Variants in ADAMTS8 observed in about 807,000 individuals in gnomAD.
ADAMTS8 encodes the protein ADAM metallopeptidase with thrombospondin type 1 motif 8, also known as A disintegrin and metalloproteinase with thrombospondin motifs 8.
Under a neutral mutation model 64.4 loss-of-function variants are expected in ADAMTS8, and 50 were observed. That is an observed-to-expected ratio of 0.78 (90% CI 0.62 to 0.98). The LOEUF (loss-of-function observed/expected upper bound fraction) is 0.98, where lower values mean the gene tolerates loss of function less well. ADAMTS8 is among the 50% of genes least tolerant of loss of function. The pLI is 0.00. For synonymous variants in ADAMTS8, 556 were observed against 533.6 expected (o/e 1.04, Z -0.58); for missense variants, 1,192 against 1,208.2 (o/e 0.99, Z 0.20).
intron 2 of ADAMTS8, 111 bp from the exon 3 acceptor site, chr11:130,417,186 T>C: frequency 7.3e-7 from 1 of 1,364,240 alleles, no homozygotes; most frequent in Non-Finnish European, 1.0e-6. Flanking sequence ...CCACTGAGCG[T>C]CCCATAACAT....
At chr11:130,418,488 C>T (rs557386281) in intron 2 of ADAMTS8, among the ~76,000 whole-genome samples, 19 of 152,316 alleles carry the variant, frequency 1.2e-4, no homozygotes, top group Admixed American at 4.6e-4. Flanking sequence ...CTATGTGGCA[C>T]GAGAGCTGTG....
intron 1 of ADAMTS8, among the ~76,000 whole-genome samples, chr11:130,425,488 C>T (rs940206049): frequency 6.6e-6 from 1 of 151,996 alleles, no homozygotes; most frequent in Non-Finnish European, 1.5e-5. Flanking sequence ...TGTTTTGGTT[C>T]TTAGGTAGAT....
Position 130,405,431 on chromosome 11 carries a change from A to C in ADAMTS8, c.*127T>G. On this transcript the variant is annotated 3_prime_UTR_variant, in exon 9 of 9. Coordinates refer to ENST00000257359, the MANE Select transcript of ADAMTS8 (RefSeq NM_007037.6). ...GTGCAGTACTGGAGGGGTTGCGGCA[A>C]TGGGAGGCCTGGGTGGGCCGTGCTG... The C allele has an allele frequency of 2.0e-6, 3 of 1,491,864 alleles. No homozygotes were observed. Among genetic ancestry groups the C allele is most frequent in the Non-Finnish European group, 2.7e-6 (3 of 1,129,766 alleles). 92.4% of individuals were successfully genotyped at this position (1,491,864 alleles called of 1,614,324 possible). A position where few individuals can be genotyped will look rare whatever the true frequency, so the allele number is the denominator to read the frequency against.
intron 1 of ADAMTS8, among the ~76,000 whole-genome samples, chr11:130,419,781 G>A (rs1212153172): frequency 1.3e-5 from 2 of 152,032 alleles, no homozygotes; most frequent in East Asian, 1.9e-4. Context: ...ACCCGTCCCC[G>A]GCCTCAGCCC....
intron 6 of ADAMTS8, among the ~76,000 whole-genome samples, chr11:130,409,978 T>A (rs1204014483): frequency 6.6e-6 from 1 of 152,238 alleles, no homozygotes; most frequent in African/African-American, 2.4e-5. Flanking sequence ...AACTCCCAGA[T>A]ACTGTGTCAG....
chr11:130,406,214 C>T (rs1861883269), intron 8 of ADAMTS8, 86 bp from the exon 9 acceptor site: 1 of 1,474,654 alleles, frequency 6.8e-7, no homozygotes. Context: ...AGTGGGCACC[C>T]CAGGTGGCAG....
chr11:130,428,315 A>G lies in ADAMTS8; in HGVS notation c.-29T>C. 8.0e-7 allele frequency: 1 copy of G among 1,256,330 alleles called. No individual in the cohort carries two copies. Among genetic ancestry groups the G allele is most frequent in the South Asian group, 1.9e-5 (1 of 51,666 alleles). 77.8% of individuals were successfully genotyped at this position (1,256,330 alleles called of 1,614,324 possible). A position where few individuals can be genotyped will look rare whatever the true frequency, so the allele number is the denominator to read the frequency against. On this transcript the variant is annotated 5_prime_UTR_variant, in exon 1 of 9. Coordinates refer to ENST00000257359, the MANE Select transcript of ADAMTS8 (RefSeq NM_007037.6). ...GGCTGCGGCGGTGGCTGCGCGCAGG[A>G]GAGGGAAGAAGCCCGCCAGGCGCGG... is the stretch of plus-strand genomic sequence containing the variant.
Position 130,416,286 on chromosome 11 carries a change from G to T in ADAMTS8, c.1141C>A (p.Arg381=). The change falls in exon 4 of 9, where the codon CGG becomes AGG. Residue 381 remains arginine, a synonymous_variant. Coordinates refer to ENST00000257359, the MANE Select transcript of ADAMTS8 (RefSeq NM_007037.6). This position sits in a 1 kb window ranked among gnomAD's most constrained non-coding sequence, Gnocchi z 4.8. ...MPHDDSKPCT[R]LFGPMGKHHV... ...TGCTTGCCCATGGGCCCGAAGAGCC[G>T]TGTGCAGGGCTTGGAGTCGTCGTGG... 6.3e-7 allele frequency: 1 copy of T among 1,577,036 alleles called. No homozygotes were observed. The highest frequency in any genetic ancestry group is 8.6e-7 in the Non-Finnish European group (1 of 1,161,732).
intron 1 of ADAMTS8, among the ~76,000 whole-genome samples, chr11:130,425,229 A>G (rs527537229): frequency 6.6e-6 from 1 of 152,116 alleles, no homozygotes; most frequent in Non-Finnish European, 1.5e-5. Context: ...CTTTAAGCTG[A>G]AGGGAACAAA....
Position 130,414,671 on chromosome 11 carries a change from A to G in ADAMTS8, c.1426T>C (p.Trp476Arg). The G allele has an allele frequency of 6.2e-7, 1 of 1,613,842 alleles. No individual in the cohort carries two copies. Among genetic ancestry groups the G allele is most frequent in the South Asian group, 1.1e-5 (1 of 91,090 alleles). Reference protein sequence around the residue: ...TSAQDVCAQLWCHTDGAEPLC... With the variant: ...TSAQDVCAQLRCHTDGAEPLC... ...GGCTCAGCCCCATCAGTGTGGCACCAAAGCTGGGCGCAGACGTCCTGAGCA... is the reference window on the plus strand; with the variant it reads ...GGCTCAGCCCCATCAGTGTGGCACCGAAGCTGGGCGCAGACGTCCTGAGCA... The change falls in exon 5 of 9, where the codon TGG becomes CGG. Residue 476 changes from tryptophan (W) to arginine (R), a missense_variant. This residue lies in a region of ADAMTS8 where 741 missense variants were observed against 710.6 expected (regional missense o/e 1.04). Coordinates refer to ENST00000257359, the MANE Select transcript of ADAMTS8 (RefSeq NM_007037.6).
chr11:130,419,424 C>G (rs1321697276), intron 1 of ADAMTS8, 132 bp from the exon 2 acceptor site: 2 of 1,264,586 alleles, frequency 1.6e-6, no homozygotes, highest in African/African-American at 1.5e-5. Context: ...CACAATACCC[C>G]CGAGGTCTCC....
At chr11:130,414,876 G>T (rs1330530521) in intron 4 of ADAMTS8, 44 bp from the exon 5 acceptor site, 1 of 1,522,328 alleles carries the variant, frequency 6.6e-7, no homozygotes, top group Admixed American at 2.1e-5. Context: ...GCACAGGGCT[G>T]CCGCCCTCTC....
At chr11:130,408,980 C>T (rs559708053) in intron 6 of ADAMTS8, 40 bp from the exon 7 acceptor site, 26 of 1,502,892 alleles carry the variant, frequency 1.7e-5, no homozygotes, top group East Asian at 1.6e-4. Context: ...GACACCCATG[C>T]GGAAGCAGGA....
At chr11:130,426,805 A>G (rs191804377) in intron 1 of ADAMTS8, among the ~76,000 whole-genome samples, 2 of 152,324 alleles carry the variant, frequency 1.3e-5, no homozygotes, top group African/African-American at 4.8e-5. Context: ...TGGCTTTACT[A>G]GAGACATTCA....
In ADAMTS8 at chr11:130,427,954, C is replaced by A. The variant is rs1269160281; in HGVS notation, c.333G>T (p.Glu111Asp). ...FFSGTVNGEPESLAAVSLCRG... is the reference protein window; with the variant it reads ...FFSGTVNGEPDSLAAVSLCRG... Reference sequence around the variant, plus strand: ...GGCACAGGCTGACCGCCGCCAGCGACTCGGGCTCCCCATTCACGGTGCCGG... The same window carrying A: ...GGCACAGGCTGACCGCCGCCAGCGAATCGGGCTCCCCATTCACGGTGCCGG... The change falls in exon 1 of 9, where the codon GAG becomes GAT. Residue 111 changes from glutamate (E) to aspartate (D), a missense_variant. This residue lies in a region of ADAMTS8 where 741 missense variants were observed against 710.6 expected (regional missense o/e 1.04). Coordinates refer to ENST00000257359, the MANE Select transcript of ADAMTS8 (RefSeq NM_007037.6). 1 of 1,531,986 alleles carries A rather than the reference C, an allele frequency of 6.5e-7. No homozygotes were observed. Among genetic ancestry groups the A allele is most frequent in the Admixed American group, 2.0e-5 (1 of 50,922 alleles). The allele number at this position is 1,531,986 out of a possible 1,614,324, so 94.9% of individuals were successfully genotyped here. A position where few individuals can be genotyped will look rare whatever the true frequency, so the allele number is the denominator to read the frequency against.
intron 1 of ADAMTS8, among the ~76,000 whole-genome samples, chr11:130,422,094 G>A (rs992826038): frequency 3.9e-5 from 6 of 152,254 alleles, no homozygotes; most frequent in Middle Eastern, 6.8e-3. Context: ...GGGAGAGGCG[G>A]CACTTTTTAG....
intron 2 of ADAMTS8, among the ~76,000 whole-genome samples, chr11:130,418,783 T>G (rs1862060075): frequency 6.6e-6 from 1 of 152,242 alleles, no homozygotes; most frequent in Non-Finnish European, 1.5e-5. Context: ...CTGGGCAGCT[T>G]GAGCCCATTT....
intron 5 of ADAMTS8, among the ~76,000 whole-genome samples, chr11:130,413,770 A>G (rs935809070): frequency 2.0e-5 from 3 of 152,110 alleles, no homozygotes; most frequent in African/African-American, 7.2e-5. Context: ...CCCAACCTGT[A>G]ATTATGCATT....
Position 130,405,532 on chromosome 11 carries a change from A to G in ADAMTS8, c.*26T>C. 6.4e-7 allele frequency: 1 copy of G among 1,567,336 alleles called. No homozygotes were observed. Among genetic ancestry groups the G allele is most frequent in the Non-Finnish European group, 8.7e-7 (1 of 1,155,864 alleles). The stretch of plus-strand genomic sequence containing the variant: ...ACCTCAGTACCGCATGTCCAGGAGC[A>G]CAAGACTGGCCCCTGCCCCCCTGAA... On this transcript the variant is annotated 3_prime_UTR_variant, in exon 9 of 9. Transcript: ENST00000257359.
Sources: allele counts gnomAD v4.1 joint callset (sites outside exome capture counted in the v4.1 genomes callset), GRCh38; gene constraint gnomAD v4.1.1; regional missense constraint gnomAD v4.1.1; non-coding constraint Gnocchi (gnomAD v3.1); transcripts MANE v1.5; gene names NCBI Gene and HGNC (gene_info 2026-07-23, HGNC 2026-07-21).